The following DNAH3 variants were observed in gnomAD, a reference collection of about 807,000 sequenced individuals.
DNAH3 encodes the protein dynein axonemal heavy chain 3.
Under a neutral mutation model 432.5 loss-of-function variants are expected in DNAH3, and 332 were observed. That is an observed-to-expected ratio of 0.77 (90% CI 0.70 to 0.84). The LOEUF is 0.84. Among genes scored for constraint, DNAH3 ranks in the 40% least tolerant of loss-of-function variants. The pLI, the probability that DNAH3 is intolerant of heterozygous loss-of-function variation, is 0.00. For missense variants in DNAH3, 4,861 were observed against 5,114.0 expected (o/e 0.95, Z 1.51); for synonymous variants, 1,956 against 1,900.2 (o/e 1.03, Z -0.76).
chr16:20,941,626 C>G, intron 58 of DNAH3, 83 bp from the exon 59 acceptor site: 1 of 1,517,050 alleles, frequency 6.6e-7, no homozygotes, highest in Non-Finnish European at 8.9e-7. Context: ...TACTGAGCAT[C>G]TGACTTTTCA....
At chr16:21,103,370 G>A (rs1372391299) in intron 16 of DNAH3, among the ~76,000 whole-genome samples, 5 of 149,594 alleles carry the variant, frequency 3.3e-5, no homozygotes, top group African/African-American at 1.2e-4. Flanking sequence ...GGGGCAGGGT[G>A]GGGGAGTTGG....
chr16:21,028,410 C>T (rs1011740955), intron 37 of DNAH3, among the ~76,000 whole-genome samples: 44 of 150,746 alleles, frequency 2.9e-4, no homozygotes, highest in African/African-American at 1.0e-3. Flanking sequence ...GATCCCAGCA[C>T]AGCACTTTGG....
intron 51 of DNAH3, among the ~76,000 whole-genome samples, chr16:20,970,241 T>G (rs2085277467): frequency 6.6e-6 from 1 of 152,166 alleles, no homozygotes; most frequent in Non-Finnish European, 1.5e-5. Flanking sequence ...ATTTGCTTTT[T>G]TGGCCAGGCA....
intron 61 of DNAH3, among the ~76,000 whole-genome samples, chr16:20,934,763 C>T (rs538111459): frequency 1.3e-5 from 2 of 152,106 alleles, no homozygotes; most frequent in Admixed American, 1.3e-4. Context: ...TTATCCTAGT[C>T]ATTTTTTTTC....
At chr16:21,000,773 T>G (rs2086979613) in intron 42 of DNAH3, among the ~76,000 whole-genome samples, 1 of 152,188 alleles carries the variant, frequency 6.6e-6, no homozygotes, top group Non-Finnish European at 1.5e-5. Flanking sequence ...GTCTGTGTGT[T>G]GTAGATGAGA....
At chr16:21,073,232 C>T (rs983947024) in intron 21 of DNAH3, among the ~76,000 whole-genome samples, 5 of 152,138 alleles carry the variant, frequency 3.3e-5, no homozygotes, top group South Asian at 4.1e-4. Flanking sequence ...GTATGTTGGG[C>T]TATTAATAAA....
intron 40 of DNAH3, 87 bp from the exon 41 acceptor site, chr16:21,019,956 G>T: frequency 2.7e-6 from 4 of 1,503,614 alleles, no homozygotes; most frequent in Non-Finnish European, 2.7e-6. Context: ...GCCTTTGAAG[G>T]GTCTGGGCCA....
At chr16:21,031,974 G>A (rs2088901492) in intron 36 of DNAH3, among the ~76,000 whole-genome samples, 1 of 151,790 alleles carries the variant, frequency 6.6e-6, no homozygotes, top group Non-Finnish European at 1.5e-5. Flanking sequence ...GGTGGAGGTT[G>A]CAGTAAGCTG....
intron 22 of DNAH3, among the ~76,000 whole-genome samples, chr16:21,070,121 G>A (rs1483741626): frequency 1.3e-5 from 2 of 152,146 alleles, no homozygotes; most frequent in Non-Finnish European, 2.9e-5. Context: ...TCTTCGGGTA[G>A]CTTACATTCT....
At chr16:21,074,440 G>A (rs1051859684) in intron 21 of DNAH3, among the ~76,000 whole-genome samples, 2 of 152,136 alleles carry the variant, frequency 1.3e-5, no homozygotes, top group East Asian at 1.9e-4. Context: ...TGGGCCTGGC[G>A]TGGTGGCTCA....
intron 51 of DNAH3, among the ~76,000 whole-genome samples, chr16:20,973,400 G>T (rs1005181210): frequency 6.6e-6 from 1 of 151,908 alleles, no homozygotes; most frequent in Non-Finnish European, 1.5e-5. Context: ...TTACAAGCAT[G>T]TGCCACCACA....
chr16:20,988,703 G>A (rs1190564763), intron 44 of DNAH3, among the ~76,000 whole-genome samples: 2 of 152,260 alleles, frequency 1.3e-5, no homozygotes, highest in Admixed American at 6.5e-5. Context: ...CTCCTTTTGT[G>A]TCCGGAATTG....
At position 21,020,537 on chromosome 16, in the gene DNAH3, G is replaced by C. The variant is rs1042042023; in HGVS notation, c.5777-668C>G. ...CCTGCCTCAGCCTCCCAAGTAGCTG[G>C]GATTACAGGCACCCGCCACCTCACC... is the stretch of plus-strand genomic sequence containing the variant. On this transcript the variant is annotated intron_variant, in intron 40 of 61. Transcript: ENST00000261383. 5.4e-5 allele frequency among the ~76,000 whole-genome samples: 8 copies of C among 147,598 alleles called. No individual in the cohort carries two copies. The Admixed American group carries it at 5.5e-4, about 10-fold the overall frequency.
intron 1 of DNAH3, among the ~76,000 whole-genome samples, chr16:21,155,362 G>C (rs1165281274): frequency 1.3e-5 from 2 of 152,018 alleles, no homozygotes; most frequent in Non-Finnish European, 2.9e-5. Context: ...AGTGGCTCAT[G>C]CCTGTAATCC....
At chr16:21,025,454 T>C (rs957992643) in intron 38 of DNAH3, among the ~76,000 whole-genome samples, 4 of 147,438 alleles carry the variant, frequency 2.7e-5, no homozygotes, top group African/African-American at 9.9e-5. Context: ...ATATTATATA[T>C]AATATACTGT....
At chr16:21,014,389 T>C (rs762295395) in intron 41 of DNAH3, among the ~76,000 whole-genome samples, 16 of 152,150 alleles carry the variant, frequency 1.1e-4, no homozygotes, top group East Asian at 1.9e-4. Context: ...GAAAAAGCAT[T>C]TGACAAAATC....
At chr16:21,154,420 A>G (rs2152837929) in intron 1 of DNAH3, among the ~76,000 whole-genome samples, 1 of 150,446 alleles carries the variant, frequency 6.6e-6, no homozygotes, top group South Asian at 2.1e-4. Context: ...AAAAAAAATT[A>G]GAATGGTCCT....
rs751163729 is a variant in DNAH3 at position 21,067,251 on chromosome 16, G to T, written c.3518+32C>A. The T allele has an allele frequency of 1.4e-5, 23 of 1,612,288 alleles. No individual in the cohort carries two copies. The African/African-American group carries it at 2.3e-4, about 16-fold the overall frequency. ...TTCTACCTACATATGGGGCAAGAAT[G>T]TAATTCCAAATAAAAGAACAATGCT... On this transcript the variant is annotated intron_variant, in intron 24 of 61. Coordinates refer to ENST00000261383, the Ensembl canonical transcript of DNAH3.
At chr16:21,130,488 A>G (rs2092537266) in intron 7 of DNAH3, among the ~76,000 whole-genome samples, 1 of 151,960 alleles carries the variant, frequency 6.6e-6, no homozygotes, top group Non-Finnish European at 1.5e-5. Flanking sequence ...TATTTTTAGT[A>G]GAGACAGGGT....
Sources: allele counts gnomAD v4.1 joint callset (sites outside exome capture counted in the v4.1 genomes callset), GRCh38; gene constraint gnomAD v4.1.1; transcripts MANE v1.5; gene names NCBI Gene and HGNC (gene_info 2026-07-23, HGNC 2026-07-21).